Variants in CCDC127 observed in about 807,000 individuals in gnomAD.
The protein encoded by CCDC127 is coiled-coil domain-containing protein 127.
A neutral mutation model predicts 4.1 loss-of-function variants in CCDC127; 2 were observed. The observed-to-expected ratio is 0.49, with a 90% CI of 0.20 to 1.53. The LOEUF is 1.53. CCDC127 is among the 40% of genes most tolerant of loss of function. The probability of loss-of-function intolerance (pLI) is 0.23; values close to 1 mark genes in which losing one functional copy is unlikely to be tolerated. For missense variants in CCDC127, 271 were observed against 322.9 expected (o/e 0.84, Z 1.23); for synonymous variants, 98 against 120.4 (o/e 0.81, Z 1.22).
In CCDC127 at chr5:218,100, G is replaced by A. The variant is rs949887726; in HGVS notation, c.-18C>T. 28 of 1,204,008 alleles carry A rather than the reference G, an allele frequency of 2.3e-5. No homozygotes were observed. The Admixed American group carries it at 1.2e-3, about 53-fold the overall frequency. 74.6% of individuals were successfully genotyped at this position (1,204,008 alleles called of 1,614,324 possible). ...GAACAGGGCCCGCTCTACCTCGGTC[G>A]GGGAGCGCGGGACCTCAGCGTTCCC... On this transcript the variant is annotated 5_prime_UTR_variant, in exon 1 of 3. Coordinates refer to ENST00000296824, the MANE Select transcript of CCDC127 (RefSeq NM_145265.3).
Position 201,697 on chromosome 5 carries a change from T to C in CCDC127, c.*3600A>G, listed in dbSNP as rs9312956. The stretch of plus-strand genomic sequence containing the variant: ...TTTGTTTTTGGAATGTCCAGGTCAA[T>C]TGTGATGCCTTCGAACTTCATTCCA... On this transcript the variant is annotated 3_prime_UTR_variant, in exon 3 of 3. Transcript: ENST00000296824. 20,388 of 152,260 alleles carry C rather than the reference T, an allele frequency of 0.13. 1,442 individuals are homozygous for C. The highest frequency in any genetic ancestry group is 0.17 in the Admixed American group (2,620 of 15,290). 9.4% of individuals were successfully genotyped at this position (152,260 alleles called of 1,614,324 possible). A position where few individuals can be genotyped will look rare whatever the true frequency, so the allele number is the denominator to read the frequency against.
At position 208,642 on chromosome 5, in the gene CCDC127, CG is replaced by C. The variant is rs200557476; in HGVS notation, c.122-2685del. Reference sequence around the variant, plus strand: ...CCAGCCGGGGGGCACCAGTAGAGGCCGGGGGGCTGGAACTCCCATCCTTTCC... The same window carrying C: ...CCAGCCGGGGGGCACCAGTAGAGGCCGGGGGCTGGAACTCCCATCCTTTCC... On this transcript the variant is annotated intron_variant, in intron 2 of 2. Transcript: ENST00000296824. Among the ~76,000 whole-genome samples, 3 of 152,092 alleles carry C rather than the reference CG, an allele frequency of 2.0e-5. No individual in the cohort carries two copies. The South Asian group carries it at 6.2e-4, about 32-fold the overall frequency.
Position 205,309 on chromosome 5 carries a change from T to C in CCDC127, c.771A>G (p.Ile257Met), listed in dbSNP as rs773485848. The C allele has an allele frequency of 6.9e-6, 11 of 1,603,976 alleles. No homozygotes were observed. The highest frequency in any genetic ancestry group is 1.3e-5 in the African/African-American group (1 of 74,602). ...TTTCACTCTTGTCTTACTTTTCTAG[T>C]ATGGCTTCCTCTACTCTCTTAAACT... The part of the protein sequence containing the change: ...LKKFKRVEEA[I>M]LEK Residue 257 changes from isoleucine (I) to methionine (M), a missense_variant, in exon 3 of 3, where the codon ATA becomes ATG. Ile to Met is a conservative substitution (Grantham distance 10). Around this residue, in one of 2 missense-constraint regions of CCDC127, gnomAD observed 265 missense variants for 270.9 expected, o/e 0.98. Transcript: ENST00000296824.
Position 205,451 on chromosome 5 carries a change from G to T in CCDC127, c.629C>A (p.Thr210Asn). Residue 210 changes from threonine (T) to asparagine (N), a missense_variant, in exon 3 of 3, where the codon ACC becomes AAC. By Grantham distance (65) the Thr-to-Asn change is moderately conservative. Transcript: ENST00000296824. ...AADLEMAAGL[T>N]DIFQHDTYCG... Reference sequence around the variant, plus strand: ...GTATGTATCATGCTGAAATATGTCGGTGAGACCGGCTGCCATCTCTAGGTC... The same window carrying T: ...GTATGTATCATGCTGAAATATGTCGTTGAGACCGGCTGCCATCTCTAGGTC... 1 of 1,614,194 alleles carries T rather than the reference G, an allele frequency of 6.2e-7. No individual in the cohort carries two copies. The highest frequency in any genetic ancestry group is 8.5e-7 in the Non-Finnish European group (1 of 1,180,028).
rs549136988 is a variant in CCDC127 at position 203,297 on chromosome 5, G to T, written c.*2000C>A. Reference sequence around the variant, plus strand: ...CAGATAAAGCGATGGTGGTAGAGCAGAGAGGCACGCTAGCAGCCACTGAAG... The same window carrying T: ...CAGATAAAGCGATGGTGGTAGAGCATAGAGGCACGCTAGCAGCCACTGAAG... On this transcript the variant is annotated 3_prime_UTR_variant, in exon 3 of 3. Transcript: ENST00000296824. 19 of 152,260 alleles carry T rather than the reference G, an allele frequency of 1.2e-4. No homozygotes were observed. The East Asian group carries it at 3.5e-3, about 28-fold the overall frequency. The allele number at this position is 152,260 out of a possible 1,614,324, so 9.4% of individuals were successfully genotyped here.
chr5:216,306 G>C (rs1197656569), intron 2 of CCDC127: 4 of 227,372 alleles, frequency 1.8e-5, no homozygotes, highest in Non-Finnish European at 3.5e-5. Context: ...AGAGTGCTGG[G>C]GTTACAGGTA....
intron 2 of CCDC127, among the ~76,000 whole-genome samples, chr5:208,642 C>CG (rs200557476): frequency 0.015 from 2,332 of 152,202 alleles, 58 homozygotes; most frequent in African/African-American, 0.053. Flanking sequence ...CAGTAGAGGC[C>CG]GGGGGGCTGG....
rs537723396 is a variant in CCDC127, at chr5:218,144, G to A, written c.-62C>T. On this transcript the variant is annotated 5_prime_UTR_variant, in exon 1 of 3. Transcript: ENST00000296824. Reference sequence around the variant, plus strand: ...CGTTCCCTTAACGCCACCGTCCGCGGGTCCGCTTTGCGCAGGCGCGGCGCC... The same window carrying A: ...CGTTCCCTTAACGCCACCGTCCGCGAGTCCGCTTTGCGCAGGCGCGGCGCC... 1.4e-5 allele frequency: 17 copies of A among 1,239,842 alleles called. No individual in the cohort carries two copies. Among genetic ancestry groups the A allele is most frequent in the Non-Finnish European group, 1.6e-5 (16 of 990,360 alleles). 76.8% of individuals were successfully genotyped at this position (1,239,842 alleles called of 1,614,324 possible). A position where few individuals can be genotyped will look rare whatever the true frequency, so the allele number is the denominator to read the frequency against.
rs1734466394 is a variant in CCDC127, at chr5:218,075, GA to G, written c.-11+17del. 1 of 1,165,090 alleles carries G rather than the reference GA, an allele frequency of 8.6e-7. No individual in the cohort carries two copies. The highest frequency in any genetic ancestry group is 4.7e-5 in the Admixed American group (1 of 21,230). 72.2% of individuals were successfully genotyped at this position (1,165,090 alleles called of 1,614,324 possible). On this transcript the variant is annotated intron_variant, in intron 1 of 2. Coordinates refer to ENST00000296824, the MANE Select transcript of CCDC127 (RefSeq NM_145265.3). Reference sequence around the variant, plus strand: ...AATGTTGGTGCCCACCACCTCCCCGGAACAGGGCCCGCTCTACCTCGGTCGG... The same window carrying G: ...AATGTTGGTGCCCACCACCTCCCCGGACAGGGCCCGCTCTACCTCGGTCGG...
At chr5:213,580 G>C (rs11954643) in intron 2 of CCDC127, among the ~76,000 whole-genome samples, 14,153 of 86,452 alleles carry the variant, frequency 0.16, 1,087 homozygotes, top group African/African-American at 0.36. Context: ...ACACCCATCA[G>C]GATGGGGCAG....
intron 2 of CCDC127, chr5:214,023 T>C (rs879756110): frequency 2.6e-5 from 4 of 152,258 alleles, no homozygotes; most frequent in Admixed American, 2.6e-4. Flanking sequence ...ATCTATGAAC[T>C]ACTGATACAG....
Position 200,840 on chromosome 5 carries a change from C to A in CCDC127, c.*4457G>T, listed in dbSNP as rs1560972798. 6.6e-6 allele frequency: 1 copy of A among 151,876 alleles called. No individual in the cohort carries two copies. Among genetic ancestry groups the A allele is most frequent in the Admixed American group, 6.6e-5 (1 of 15,264 alleles). The allele number at this position is 151,876 out of a possible 1,614,324, so 9.4% of individuals were successfully genotyped here. On this transcript the variant is annotated 3_prime_UTR_variant, in exon 3 of 3. Coordinates refer to ENST00000296824, the MANE Select transcript of CCDC127 (RefSeq NM_145265.3). Reference sequence around the variant, plus strand: ...GCAGACGGAGCAAGCCCAGCACTTTCTACACAGCAGGCTGCCCCCATCACA... The same window carrying A: ...GCAGACGGAGCAAGCCCAGCACTTTATACACAGCAGGCTGCCCCCATCACA...
chr5:215,196 C>T (rs1236976488), intron 2 of CCDC127: 1 of 152,102 alleles, frequency 6.6e-6, no homozygotes, highest in Non-Finnish European at 1.5e-5. Context: ...TCAAACACAT[C>T]GTAACACACC....
At chr5:208,823 G>GT (rs1734227004) in intron 2 of CCDC127, among the ~76,000 whole-genome samples, 2 of 152,210 alleles carry the variant, frequency 1.3e-5, no homozygotes, top group Non-Finnish European at 2.9e-5. Context: ...GTTTCAGCAC[G>GT]TAATGCCCCA....
intron 2 of CCDC127, chr5:214,918 C>T (rs1390403940): frequency 5.9e-5 from 9 of 151,992 alleles, no homozygotes; most frequent in Non-Finnish European, 1.2e-4. Flanking sequence ...ATCCCAGCTA[C>T]TCGGGAGGCT....
chr5:212,367 C>T (rs190751961), intron 2 of CCDC127, among the ~76,000 whole-genome samples: 8 of 36,098 alleles, frequency 2.2e-4, no homozygotes, highest in African/African-American at 3.4e-4. Context: ...CGCTGATGCT[C>T]GACATCGCAC....
rs566000757 is a variant in CCDC127, at chr5:205,221, G to A, written c.*76C>T. 1.5e-4 allele frequency: 203 copies of A among 1,376,750 alleles called. No individual in the cohort carries two copies. The African/African-American group carries it at 2.4e-3, about 16-fold the overall frequency. 85.3% of individuals were successfully genotyped at this position (1,376,750 alleles called of 1,614,324 possible). A position where few individuals can be genotyped will look rare whatever the true frequency, so the allele number is the denominator to read the frequency against. On this transcript the variant is annotated 3_prime_UTR_variant, in exon 3 of 3. Transcript: ENST00000296824. ...CCATGACACGGGCAGCACGGGAACG[G>A]AAGACGCCGGAGACCCAGAAGGCGC... is the stretch of plus-strand genomic sequence containing the variant.
At chr5:206,079 T>C in intron 2 of CCDC127, 121 bp from the exon 3 acceptor site, 1 of 861,158 alleles carries the variant, frequency 1.2e-6, no homozygotes, top group Non-Finnish European at 1.8e-6. Flanking sequence ...ACCTCGGCTG[T>C]ACCAAGAAGA....
rs2126500866 is a variant in CCDC127 at position 202,287 on chromosome 5, G to A, written c.*3010C>T. On this transcript the variant is annotated 3_prime_UTR_variant, in exon 3 of 3. Coordinates refer to ENST00000296824, the MANE Select transcript of CCDC127 (RefSeq NM_145265.3). ...AAACACGAACTAATATCAACCCTGT[G>A]GAAAGAGCATCTTCCGGCCAGGCAC... is the stretch of plus-strand genomic sequence containing the variant. 6.6e-6 allele frequency: 1 copy of A among 152,414 alleles called. No individual in the cohort carries two copies. The highest frequency in any genetic ancestry group is 1.5e-5 in the Non-Finnish European group (1 of 68,072). 9.4% of individuals were successfully genotyped at this position (152,414 alleles called of 1,614,324 possible).
Sources: gnomAD v4.1 joint callset for allele counts (sites outside exome capture counted in the v4.1 genomes callset) on GRCh38, gnomAD v4.1.1 for gene constraint, gnomAD v4.1.1 regional missense constraint, MANE v1.5 for transcripts, NCBI Gene and HGNC (gene_info 2026-07-23, HGNC 2026-07-21) for gene names.